The following FCHO2 variants were observed in gnomAD, a reference collection of about 807,000 sequenced individuals.
FCHO2 encodes the protein F-BAR domain only protein 2.
Under a neutral mutation model 114.1 loss-of-function variants are expected in FCHO2, and 43 were observed. The ratio of observed to expected loss-of-function variants is 0.38; its 90% confidence interval spans 0.30 to 0.49. The LOEUF is 0.49. Ranked by LOEUF, FCHO2 falls within the 20% of genes least tolerant of loss-of-function variation. FCHO2 has a pLI of 0.97. For missense variants in FCHO2, 807 were observed against 950.4 expected (o/e 0.85, Z 1.98); for synonymous variants, 293 against 315.2 (o/e 0.93, Z 0.75).
At chr5:72,996,183 C>T (rs1361786029) in intron 5 of FCHO2, among the ~76,000 whole-genome samples, 1 of 143,842 alleles carries the variant, frequency 7.0e-6, no homozygotes, top group African/African-American at 2.6e-5. Context: ...TTAGAGGTTG[C>T]AGTGAGCCAA....
At chr5:73,061,783 C>T (rs1757863819) in intron 17 of FCHO2, among the ~76,000 whole-genome samples, 2 of 152,080 alleles carry the variant, frequency 1.3e-5, no homozygotes, top group East Asian at 1.9e-4. Flanking sequence ...GCTGAAAATA[C>T]TTTTAGGTTT....
rs115038756 is a variant in FCHO2 at position 73,071,918 on chromosome 5, G to T, written c.1580-2824G>T. Among the ~76,000 whole-genome samples, 1,115 of 151,920 alleles carry T rather than the reference G, an allele frequency of 7.3e-3. 16 individuals are homozygous for T. Among genetic ancestry groups the T allele is most frequent in the African/African-American group, 0.026 (1,063 of 41,460 alleles). On this transcript the variant is annotated intron_variant, in intron 19 of 25. Transcript: ENST00000430046. ...TGTTATGTGCCCAGATTAGATTGTT[G>T]AAAAGAATATTTATGCAGGTTTCTT...
intron 2 of FCHO2, among the ~76,000 whole-genome samples, chr5:72,970,828 C>CTCCCAATGCTA (rs1354164399): frequency 1.3e-5 from 2 of 152,138 alleles, no homozygotes; most frequent in East Asian, 3.8e-4. Context: ...TTAGGTATAT[C>CTCCCAATGCTA]TCCCAATGCT....
chr5:73,035,484 A>G (rs971970770), intron 9 of FCHO2, among the ~76,000 whole-genome samples: 12 of 152,092 alleles, frequency 7.9e-5, no homozygotes, highest in Admixed American at 3.9e-4. Context: ...GCTTAAACCT[A>G]AGGTCTCTAC....
At position 73,089,148 on chromosome 5, in the gene FCHO2, T is replaced by C. The variant is rs1365241878; in HGVS notation, c.*1058T>C. ...AGGAAGAAAGATTACCTTCAGATAC[T>C]TGACATTAACCTCATCAAAAGTGTG... On this transcript the variant is annotated 3_prime_UTR_variant, in exon 26 of 26. Coordinates refer to ENST00000430046, the MANE Select transcript of FCHO2 (RefSeq NM_138782.3). 3 of 152,572 alleles carry C rather than the reference T, an allele frequency of 2.0e-5. No homozygotes were observed. The highest frequency in any genetic ancestry group is 2.9e-5 in the Non-Finnish European group (2 of 67,994). The allele number at this position is 152,572 out of a possible 1,614,324, so 9.5% of individuals were successfully genotyped here. A position where few individuals can be genotyped will look rare whatever the true frequency, so the allele number is the denominator to read the frequency against.
intron 18 of FCHO2, among the ~76,000 whole-genome samples, chr5:73,065,215 T>G (rs1288652449): frequency 1.3e-5 from 2 of 152,058 alleles, no homozygotes; most frequent in Non-Finnish European, 1.5e-5. Flanking sequence ...ATATAGAAAT[T>G]ACTACATTTT....
intron 5 of FCHO2, among the ~76,000 whole-genome samples, chr5:73,001,448 C>CAAAA (rs1215202339): frequency 1.8e-3 from 119 of 65,330 alleles, no homozygotes; most frequent in Non-Finnish European, 2.2e-3. Flanking sequence ...GATCCTGTCT[C>CAAAA]AAAAAAAAAA....
intron 8 of FCHO2, among the ~76,000 whole-genome samples, chr5:73,031,344 A>G (rs1756233170): frequency 1.3e-5 from 2 of 152,188 alleles, no homozygotes; most frequent in South Asian, 2.1e-4. Flanking sequence ...CTCTGATTAG[A>G]AGCAGAAATA....
At chr5:73,060,425 T>C (rs1757801185) in intron 17 of FCHO2, among the ~76,000 whole-genome samples, 1 of 152,118 alleles carries the variant, frequency 6.6e-6, no homozygotes. Context: ...AATTAATTCA[T>C]AATTGCGATT....
intron 22 of FCHO2, among the ~76,000 whole-genome samples, chr5:73,078,538 T>C (rs902353159): frequency 6.6e-6 from 1 of 152,218 alleles, no homozygotes; most frequent in Admixed American, 6.5e-5. Context: ...TGCATAAATT[T>C]GTCCTTAAGC....
At chr5:72,992,577 C>G in intron 5 of FCHO2, among the ~76,000 whole-genome samples, 1 of 152,012 alleles carries the variant, frequency 6.6e-6, no homozygotes, top group East Asian at 1.9e-4. Flanking sequence ...AAGAGCCTGG[C>G]TCATTGCCTG....
At chr5:73,060,754 A>G (rs927119686) in intron 17 of FCHO2, among the ~76,000 whole-genome samples, 3 of 151,924 alleles carry the variant, frequency 2.0e-5, no homozygotes, top group Non-Finnish European at 4.4e-5. Context: ...AATAACTGAT[A>G]GTTAAGAATC....
chr5:73,043,677 T>C (rs544917606), intron 11 of FCHO2, among the ~76,000 whole-genome samples: 1 of 152,304 alleles, frequency 6.6e-6, no homozygotes, highest in South Asian at 2.1e-4. Context: ...TGTCTGCTGA[T>C]ATGGAAAGAA....
In FCHO2 at chr5:73,077,404, C is replaced by A. The variant is rs568767485; in HGVS notation, c.1758C>A (p.Thr586=). The A allele has an allele frequency of 1.2e-5, 19 of 1,592,118 alleles. No homozygotes were observed. The African/African-American group carries it at 1.5e-4, about 12-fold the overall frequency. The stretch of plus-strand genomic sequence containing the variant: ...CAAGTGGAATTATTAAAGTCTTCAC[C>A]AGCAATCCAACTCCAGCTGTGTTGT... ...SFPSGIIKVF[T]SNPTPAVLCF... Residue 586 remains threonine (T), a synonymous_variant, in exon 21 of 26, where the codon ACC becomes ACA. Transcript: ENST00000430046.
intron 1 of FCHO2, among the ~76,000 whole-genome samples, chr5:72,964,787 CGGTT>C (rs1432919076): frequency 6.6e-6 from 1 of 152,160 alleles, no homozygotes; most frequent in Non-Finnish European, 1.5e-5. Context: ...TGTCAATGTA[CGGTT>C]GTCTCCCCAT....
chr5:72,972,419 C>G (rs1405691034), intron 2 of FCHO2, among the ~76,000 whole-genome samples: 2 of 152,116 alleles, frequency 1.3e-5, no homozygotes, highest in African/African-American at 4.8e-5. Flanking sequence ...TCCTTCCCAT[C>G]CCTTGTAAGT....
intron 2 of FCHO2, among the ~76,000 whole-genome samples, chr5:72,968,963 TTG>T (rs1452065265): frequency 1.3e-5 from 2 of 152,174 alleles, no homozygotes; most frequent in African/African-American, 4.8e-5. Context: ...CAGTTTAATT[TTG>T]TGTTTTTGTA....
intron 24 of FCHO2, among the ~76,000 whole-genome samples, chr5:73,086,772 C>T (rs773113679): frequency 1.4e-4 from 21 of 152,218 alleles, no homozygotes; most frequent in Non-Finnish European, 2.5e-4. Context: ...CTTACCATGG[C>T]CTGGCCCATG....
intron 6 of FCHO2, among the ~76,000 whole-genome samples, chr5:73,014,149 G>T (rs72764850): frequency 6.6e-6 from 1 of 152,048 alleles, no homozygotes; most frequent in Non-Finnish European, 1.5e-5. Context: ...AGTTTGAAAA[G>T]GTTCTCCAGG....
Sources: gnomAD v4.1 joint callset for allele counts (sites outside exome capture counted in the v4.1 genomes callset) on GRCh38, gnomAD v4.1.1 for gene constraint, MANE v1.5 for transcripts, NCBI Gene and HGNC (gene_info 2026-07-23, HGNC 2026-07-21) for gene names.